The following DGLUCY variants were observed in gnomAD, a reference collection of about 807,000 sequenced individuals.
DGLUCY encodes D-glutamate cyclase, also known as D-glutamate cyclase, mitochondrial.
In DGLUCY, 58 loss-of-function variants were observed where a neutral mutation model predicts 58.5. The observed-to-expected ratio is 0.99, with a 90% CI of 0.80 to 1.23. The LOEUF is 1.23. Ranked by LOEUF, DGLUCY falls within the 50% of genes most tolerant of loss-of-function variation. The pLI, the probability that DGLUCY is intolerant of heterozygous loss-of-function variation, is 0.00. For missense variants in DGLUCY, 779 were observed against 784.7 expected, an observed-to-expected ratio of 0.99 and a Z score of 0.09; for synonymous variants, 325 against 314.1, an observed-to-expected ratio of 1.03 and a Z score of -0.37.
At chr14:91,118,183 C>T (rs901613373) in intron 1 of DGLUCY, among the ~76,000 whole-genome samples, 2 of 148,654 alleles carry the variant, frequency 1.3e-5, no homozygotes, top group African/African-American at 2.5e-5. Context: ...TGGGTTCAAG[C>T]GATTCACCTC....
At chr14:91,159,830 A>T (rs1189569053) in intron 2 of DGLUCY, among the ~76,000 whole-genome samples, 1 of 152,196 alleles carries the variant, frequency 6.6e-6, no homozygotes, top group Non-Finnish European at 1.5e-5. Flanking sequence ...TGCTATGTGC[A>T]TAGGCTGTGA....
At chr14:91,086,111 T>C (rs559329297) in intron 1 of DGLUCY, among the ~76,000 whole-genome samples, 4 of 152,286 alleles carry the variant, frequency 2.6e-5, no homozygotes, top group African/African-American at 9.6e-5. Flanking sequence ...GGTTTTGTGC[T>C]CCTTATGAGA....
At chr14:91,078,874 ATTTT>A (rs200014801) in intron 1 of DGLUCY, among the ~76,000 whole-genome samples, 1,030 of 82,960 alleles carry the variant, frequency 0.012, 6 homozygotes, top group Middle Eastern at 0.052. Context: ...TTTATTTTTA[ATTTT>A]TATTTATTTA....
intron 1 of DGLUCY, among the ~76,000 whole-genome samples, chr14:91,066,916 T>TA (rs76723225): frequency 0.012 from 1,661 of 136,412 alleles, 21 homozygotes; most frequent in African/African-American, 0.037. Flanking sequence ...CCGTCTCTAC[T>TA]AAAAAAAAAA....
At chr14:91,112,523 G>A (rs1443276571), upstream of DGLUCY, among the ~76,000 whole-genome samples, 3 of 152,176 alleles carry the variant, frequency 2.0e-5, no homozygotes, top group African/African-American at 7.2e-5. Context: ...CCCTGGGTGG[G>A]TGAGGCTGCA....
intron 1 of DGLUCY, among the ~76,000 whole-genome samples, chr14:91,087,651 T>G (rs1206849697): frequency 6.6e-6 from 1 of 152,198 alleles, no homozygotes; most frequent in African/African-American, 2.4e-5. Flanking sequence ...CCTCTGCCTT[T>G]GCCTTTTTAA....
At position 91,192,090 on chromosome 14, in the gene DGLUCY, C is replaced by T. The variant is rs938250825; in HGVS notation, c.1195+2920C>T. Among the ~76,000 whole-genome samples the T allele has an allele frequency of 1.6e-4, 24 of 152,182 alleles. 1 individual carries two copies. The highest frequency in any genetic ancestry group is 1.2e-3 in the Admixed American group (18 of 15,276). ...CCTAATGCTCATAGCACTTTATTTGCGACAGTCATGAGGTGGAACCAAACC... is the reference window on the plus strand; with the variant it reads ...CCTAATGCTCATAGCACTTTATTTGTGACAGTCATGAGGTGGAACCAAACC... On this transcript the variant is annotated intron_variant, in intron 9 of 13. Transcript: ENST00000256324.
Position 91,170,080 on chromosome 14 carries a change from A to T in DGLUCY, c.335A>T (p.Glu112Val). 6.2e-7 allele frequency: 1 copy of T among 1,612,668 alleles called. No homozygotes were observed. The highest frequency in any genetic ancestry group is 8.5e-7 in the Non-Finnish European group (1 of 1,180,032). ...CTGGCTTCGCTGGAGCAGTACTCGGAGCAGCTGAAGGACATGGTGGCCTTC... is the reference window on the plus strand; with the variant it reads ...CTGGCTTCGCTGGAGCAGTACTCGGTGCAGCTGAAGGACATGGTGGCCTTC... ...GSLASLEQYS[E>V]QLKDMVAFFL... The change falls in exon 5 of 14, where the codon GAG becomes GTG. Residue 112 changes from glutamate to valine, a missense_variant. By Grantham distance (121) the Glu-to-Val change is moderately radical. Transcript: ENST00000256324.
chr14:91,203,898 A>G (rs1047531336), intron 11 of DGLUCY, among the ~76,000 whole-genome samples: 1 of 152,146 alleles, frequency 6.6e-6, no homozygotes, highest in African/African-American at 2.4e-5. Flanking sequence ...ACTGGTCTCG[A>G]ACTCCTGATC....
intron 1 of DGLUCY, among the ~76,000 whole-genome samples, chr14:91,108,526 T>TGAGAGAGAGAGAGAGAGAGAGAGA (rs1194090963): frequency 3.8e-5 from 2 of 52,180 alleles, no homozygotes; most frequent in Non-Finnish European, 7.5e-5. Flanking sequence ...TGTGTGTGTG[T>TGAGAGAGAGAGAGAGAGAGAGAGA]GAGAGAGAGA....
intron 1 of DGLUCY, among the ~76,000 whole-genome samples, chr14:91,139,141 A>G (rs955869965): frequency 2.6e-5 from 4 of 152,182 alleles, no homozygotes; most frequent in African/African-American, 9.7e-5. Flanking sequence ...TAAGGACTAA[A>G]TTCCAGTCTG....
chr14:91,100,648 A>G (rs1271107022), intron 1 of DGLUCY, among the ~76,000 whole-genome samples: 1 of 152,206 alleles, frequency 6.6e-6, no homozygotes, highest in Non-Finnish European at 1.5e-5. Context: ...CCACTGTGGT[A>G]ATAAGGTGTG....
chr14:91,117,005 A>ATACT (rs1273225760), intron 1 of DGLUCY, among the ~76,000 whole-genome samples: 1 of 151,650 alleles, frequency 6.6e-6, no homozygotes, highest in Non-Finnish European at 1.5e-5. Flanking sequence ...TCGACTGAGT[A>ATACT]TACTTAACGG....
intron 5 of DGLUCY, among the ~76,000 whole-genome samples, chr14:91,170,727 G>C (rs1264964111): frequency 6.6e-6 from 1 of 152,116 alleles, no homozygotes; most frequent in Admixed American, 6.5e-5. Flanking sequence ...GCCTCTCCCA[G>C]CCCCTACTTG....
intron 12 of DGLUCY, among the ~76,000 whole-genome samples, chr14:91,209,814 T>C (rs982214442): frequency 1.3e-5 from 2 of 152,196 alleles, no homozygotes; most frequent in Non-Finnish European, 2.9e-5. Context: ...ATATGTGTCT[T>C]TATATTTAAA....
intron 1 of DGLUCY, among the ~76,000 whole-genome samples, chr14:91,084,654 C>G (rs996248662): frequency 6.6e-6 from 1 of 152,182 alleles, no homozygotes; most frequent in Non-Finnish European, 1.5e-5. Flanking sequence ...TGAATCTCAC[C>G]AGGGTGCTTT....
chr14:91,178,955 C>T (rs1412315301), intron 7 of DGLUCY, among the ~76,000 whole-genome samples: 5 of 152,046 alleles, frequency 3.3e-5, no homozygotes, highest in Non-Finnish European at 7.4e-5. Context: ...ACCCCAGAGG[C>T]GGAGGTTGCA....
rs1220003207 is a variant in DGLUCY, at chr14:91,135,938, T to C, written c.-82+21655T>C. 2.9e-5 allele frequency among the ~76,000 whole-genome samples: 4 copies of C among 135,878 alleles called. No individual in the cohort carries two copies. In the East Asian group the frequency reaches 8.7e-4, roughly 30 times the overall value. The allele number at this position is 135,878 out of a possible 152,430, so 89.1% of individuals were successfully genotyped here. ...TAGGATACATTAGCTTTTTTTTTTT[T>C]TTTTTTTTTTTTTTGAGATAGAGTC... On this transcript the variant is annotated intron_variant, in intron 1 of 13. Transcript: ENST00000256324.
At chr14:91,156,985 A>G (rs1401289839) in intron 1 of DGLUCY, among the ~76,000 whole-genome samples, 1 of 152,204 alleles carries the variant, frequency 6.6e-6, no homozygotes, top group Non-Finnish European at 1.5e-5. Flanking sequence ...GTGATTCCTA[A>G]CACCACAAAA....
Sources: allele counts gnomAD v4.1 joint callset (sites outside exome capture counted in the v4.1 genomes callset), GRCh38; gene constraint gnomAD v4.1.1; transcripts MANE v1.5; gene names NCBI Gene and HGNC (gene_info 2026-07-23, HGNC 2026-07-21).